Variants in MAST4 observed in about 807,000 individuals in gnomAD.
The protein encoded by MAST4 is microtubule-associated serine/threonine-protein kinase 4.
Under a neutral mutation model 162.7 loss-of-function variants are expected in MAST4, and 89 were observed. The ratio of observed to expected loss-of-function variants is 0.55; its 90% CI spans 0.46 to 0.65. The LOEUF is 0.65. Ranked by LOEUF, MAST4 falls within the 30% of genes least tolerant of loss-of-function variation. The pLI is 0.00. For missense variants in MAST4, 3,153 were observed against 3,374.0 expected, an observed-to-expected ratio of 0.93 and a Z score of 1.62; for synonymous variants, 1,479 against 1,361.1, an observed-to-expected ratio of 1.09 and a Z score of -1.91.
chr5:67,069,104 T>C (rs1249372032), intron 5 of MAST4, among the ~76,000 whole-genome samples: 2 of 151,984 alleles, frequency 1.3e-5, no homozygotes, highest in Non-Finnish European at 2.9e-5. Context: ...CAGATGTTGA[T>C]GAACAGAGAG....
At chr5:66,998,068 T>A (rs1445860459) in intron 4 of MAST4, among the ~76,000 whole-genome samples, 1 of 152,200 alleles carries the variant, frequency 6.6e-6, no homozygotes, top group Non-Finnish European at 1.5e-5. Context: ...TTTAGATGTA[T>A]GACCTGGAAA....
intron 1 of MAST4, among the ~76,000 whole-genome samples, chr5:66,632,541 G>T (rs1345501364): frequency 1.3e-5 from 2 of 152,132 alleles, no homozygotes; most frequent in Non-Finnish European, 2.9e-5. Flanking sequence ...CTACATTTGT[G>T]TACAGTGCAC....
At chr5:66,936,133 T>A (rs1292977090) in intron 4 of MAST4, among the ~76,000 whole-genome samples, 1 of 152,236 alleles carries the variant, frequency 6.6e-6, no homozygotes, top group Non-Finnish European at 1.5e-5. Flanking sequence ...TATTTTCTTG[T>A]CTTTGTGTTA....
chr5:66,711,844 A>C (rs557406736), intron 1 of MAST4, among the ~76,000 whole-genome samples: 43 of 152,008 alleles, frequency 2.8e-4, no homozygotes, highest in African/African-American at 4.1e-4. Context: ...CCCACCCCCC[A>C]AAAAAAGATG....
intron 3 of MAST4, among the ~76,000 whole-genome samples, chr5:66,849,481 TCTC>T (rs765218629): frequency 2.0e-4 from 30 of 152,056 alleles, no homozygotes; most frequent in East Asian, 5.8e-4. Context: ...CCTTTTCTCT[TCTC>T]CTGTCCTTTT....
chr5:66,939,092 A>G (rs1011672553), intron 4 of MAST4, among the ~76,000 whole-genome samples: 5 of 152,190 alleles, frequency 3.3e-5, no homozygotes, highest in African/African-American at 1.2e-4. Context: ...TTAAAAATAC[A>G]TAATTAATGT....
At chr5:67,011,040 A>G (rs1399109143) in intron 4 of MAST4, among the ~76,000 whole-genome samples, 2 of 152,110 alleles carry the variant, frequency 1.3e-5, no homozygotes, top group Non-Finnish European at 1.5e-5. Context: ...TGTCTGCTTC[A>G]TTGCCCAAAT....
chr5:66,993,929 C>CCCCCA (rs1750335061), intron 4 of MAST4, among the ~76,000 whole-genome samples: 1 of 99,408 alleles, frequency 1.0e-5, no homozygotes, highest in Admixed American at 1.1e-4. Context: ...GACCCCCCCC[C>CCCCCA]CCACCCCACC....
intron 26 of MAST4, among the ~76,000 whole-genome samples, chr5:67,154,281 C>A (rs1275510539): frequency 6.6e-6 from 1 of 152,144 alleles, no homozygotes; most frequent in Non-Finnish European, 1.5e-5. Flanking sequence ...CTTTTTCATT[C>A]TTTATAGCAG....
chr5:67,065,339 C>T (rs1048557610), intron 5 of MAST4, among the ~76,000 whole-genome samples: 6 of 152,190 alleles, frequency 3.9e-5, no homozygotes, highest in Non-Finnish European at 8.8e-5. Context: ...GGCTTTTCTG[C>T]TCCTAGCTCA....
chr5:67,064,892 G>A (rs1257083536), intron 5 of MAST4, among the ~76,000 whole-genome samples: 9 of 152,112 alleles, frequency 5.9e-5, no homozygotes, highest in African/African-American at 1.2e-4. Flanking sequence ...TACTGAGATA[G>A]GATAATCTTT....
chr5:66,834,967 G>C (rs1757861214), intron 3 of MAST4, among the ~76,000 whole-genome samples: 1 of 152,130 alleles, frequency 6.6e-6, no homozygotes, highest in Non-Finnish European at 1.5e-5. Flanking sequence ...TAGCCCAGGA[G>C]ACCTCTTACC....
chr5:66,661,913 T>C (rs1457818530), intron 1 of MAST4, among the ~76,000 whole-genome samples: 2 of 152,212 alleles, frequency 1.3e-5, no homozygotes, highest in Non-Finnish European at 2.9e-5. Flanking sequence ...AAAGAAACAG[T>C]GGGATGTCAT....
At chr5:66,903,245 G>A (rs1033633728) in intron 4 of MAST4, among the ~76,000 whole-genome samples, 2 of 152,102 alleles carry the variant, frequency 1.3e-5, no homozygotes, top group Non-Finnish European at 2.9e-5. Flanking sequence ...GGAGTTTCAC[G>A]TATATCATTA....
At chr5:67,143,276 C>CA (rs1561158330) in intron 21 of MAST4, among the ~76,000 whole-genome samples, 5 of 65,164 alleles carry the variant, frequency 7.7e-5, no homozygotes, top group African/African-American at 1.8e-4. Flanking sequence ...AAAAAAAAAG[C>CA]CAAAAAAAAA....
intron 1 of MAST4, among the ~76,000 whole-genome samples, chr5:66,621,727 G>A (rs1268583136): frequency 2.6e-5 from 4 of 152,166 alleles, no homozygotes; most frequent in Non-Finnish European, 5.9e-5. Flanking sequence ...ATCGGGTACT[G>A]TTACTGGCAC....
chr5:66,769,782 A>T (rs1319741779), intron 2 of MAST4, among the ~76,000 whole-genome samples: 1 of 152,172 alleles, frequency 6.6e-6, no homozygotes, highest in Non-Finnish European at 1.5e-5. Flanking sequence ...GAAATTTGGC[A>T]CCATTTGAAA....
At chr5:66,712,593 G>T (rs540998946) in intron 1 of MAST4, among the ~76,000 whole-genome samples, 1 of 152,238 alleles carries the variant, frequency 6.6e-6, no homozygotes, top group East Asian at 1.9e-4. Context: ...ATATTTGTTT[G>T]CTTTATGTCT....
intron 3 of MAST4, among the ~76,000 whole-genome samples, chr5:66,886,627 TCTGTGTAAAAACACATACTTC>T (rs1762056179): frequency 2.0e-5 from 3 of 151,008 alleles, no homozygotes; most frequent in African/African-American, 7.3e-5. Flanking sequence ...CCAGTGTAAT[TCTGTGTAAAAACACATACTTC>T]CTGTGTAATT....
Sources: allele counts gnomAD v4.1 joint callset (sites outside exome capture counted in the v4.1 genomes callset), GRCh38; gene constraint gnomAD v4.1.1; transcripts MANE v1.5; gene names NCBI Gene and HGNC (gene_info 2026-07-23, HGNC 2026-07-21).